The following PDIA4 variants were observed in gnomAD, a reference collection of about 807,000 sequenced individuals.
PDIA4 encodes protein disulfide isomerase family A member 4.
In PDIA4, 33 loss-of-function variants were observed where a neutral mutation model predicts 62.1. That is an observed-to-expected ratio of 0.53 (90% CI 0.40 to 0.71). PDIA4 has a LOEUF of 0.71. Among genes scored for constraint, PDIA4 ranks in the 30% least tolerant of loss-of-function variants. PDIA4 has a pLI of 0.00. For missense variants in PDIA4, 804 were observed against 813.6 expected, an observed-to-expected ratio of 0.99 and a Z score of 0.14; for synonymous variants, 341 against 324.1, an observed-to-expected ratio of 1.05 and a Z score of -0.56.
chr7:149,004,319 G>C, intron 9 of PDIA4, 110 bp from the exon 10 acceptor site: 2 of 998,398 alleles, frequency 2.0e-6, no homozygotes, highest in Admixed American at 4.4e-5. Context: ...AGACGGGCCA[G>C]TCACACAGGA....
At chr7:149,010,817 C>T (rs910567120) in intron 6 of PDIA4, among the ~76,000 whole-genome samples, 5 of 152,222 alleles carry the variant, frequency 3.3e-5, no homozygotes, top group Admixed American at 6.5e-5. Context: ...GGTGCCAGGC[C>T]TGCCTGGGAC....
intron 1 of PDIA4, among the ~76,000 whole-genome samples, chr7:149,026,653 G>A (rs1292031951): frequency 6.6e-6 from 1 of 151,780 alleles, no homozygotes; most frequent in African/African-American, 2.4e-5. Flanking sequence ...AAAAAAAACA[G>A]CCAGGCGTGT....
rs574059632 is a variant in PDIA4 at position 149,027,891 on chromosome 7, C to G, written c.88+430G>C. 9.0e-4 allele frequency: 433 copies of G among 480,352 alleles called. 3 individuals are homozygous for G. The highest frequency in any genetic ancestry group is 7.2e-3 in the African/African-American group (363 of 50,596). 29.8% of individuals were successfully genotyped at this position (480,352 alleles called of 1,614,324 possible). A position where few individuals can be genotyped will look rare whatever the true frequency, so the allele number is the denominator to read the frequency against. On this transcript the variant is annotated intron_variant, in intron 1 of 9. Transcript: ENST00000652332. ...TGCTTGCTGTTCCAAAGAACTCGCA[C>G]TTGTTTCTTCACGCCCTCGCCCCTT...
At chr7:149,025,852 A>G (rs1336396065) in intron 1 of PDIA4, among the ~76,000 whole-genome samples, 2 of 152,186 alleles carry the variant, frequency 1.3e-5, no homozygotes, top group Admixed American at 1.3e-4. Context: ...TTTAAATCTA[A>G]ACAAACCAAT....
intron 1 of PDIA4, among the ~76,000 whole-genome samples, chr7:149,026,060 G>A (rs992547308): frequency 1.3e-5 from 2 of 151,390 alleles, no homozygotes; most frequent in Non-Finnish European, 2.9e-5. Context: ...CCACTGTGCT[G>A]TCTAAATCTA....
chr7:149,003,968 G>T lies in PDIA4; in HGVS notation c.1764C>A (p.Asn588Lys). ...CCTTATAGCGGTCGCTGGGGACGTCGTTGGCAGTGGCGTCCATCTTGGCGA... is the reference window on the plus strand; with the variant it reads ...CCTTATAGCGGTCGCTGGGGACGTCTTTGGCAGTGGCGTCCATCTTGGCGA... ...LVIAKMDATA[N>K]DVPSDRYKVE... Residue 588 changes from asparagine to lysine, a missense_variant, in exon 10 of 10, where the codon AAC becomes AAA. Transcript: ENST00000652332. The T allele has an allele frequency of 6.2e-7, 1 of 1,613,208 alleles. No individual in the cohort carries two copies. The highest frequency in any genetic ancestry group is 8.5e-7 in the Non-Finnish European group (1 of 1,179,274).
Position 149,003,733 on chromosome 7 carries a change from G to C in PDIA4, c.*61C>G. On this transcript the variant is annotated 3_prime_UTR_variant, in exon 10 of 10. Transcript: ENST00000652332. ...GTTTGTTGCCGGCCTCGGCGTGGAC[G>C]CCCCGACCATGGGCCACGCAGGGCG... The C allele has an allele frequency of 3.2e-6, 4 of 1,257,280 alleles. No homozygotes were observed. The highest frequency in any genetic ancestry group is 3.9e-5 in the South Asian group (2 of 51,242). 77.9% of individuals were successfully genotyped at this position (1,257,280 alleles called of 1,614,324 possible).
chr7:149,027,210 T>C (rs932649564), intron 1 of PDIA4, among the ~76,000 whole-genome samples: 3 of 152,312 alleles, frequency 2.0e-5, no homozygotes, highest in African/African-American at 7.2e-5. Context: ...TGTATTTAAA[T>C]AAACACTATT....
intron 1 of PDIA4, among the ~76,000 whole-genome samples, chr7:149,024,969 A>G (rs1470301489): frequency 4.0e-5 from 6 of 150,322 alleles, no homozygotes; most frequent in African/African-American, 7.4e-5. Flanking sequence ...TACTAAAAAT[A>G]CAAAATTAGC....
intron 8 of PDIA4, 33 bp downstream of exon 8, chr7:149,005,864 C>A: frequency 6.9e-7 from 1 of 1,457,416 alleles, no homozygotes; most frequent in Non-Finnish European, 9.0e-7. Context: ...CCCCCACCCC[C>A]CACCCCCGCA....
intron 2 of PDIA4, among the ~76,000 whole-genome samples, chr7:149,019,628 T>C (rs955788907): frequency 2.0e-5 from 3 of 152,112 alleles, no homozygotes; most frequent in Admixed American, 1.3e-4. Context: ...CTGGCCAACA[T>C]AGTGAAACGC....
intron 1 of PDIA4, among the ~76,000 whole-genome samples, chr7:149,024,810 C>CA (rs1423498746): frequency 4.3e-4 from 30 of 69,426 alleles, no homozygotes; most frequent in Admixed American, 1.3e-3. Flanking sequence ...GCAAGACTGT[C>CA]ATTTAAAAAA....
chr7:149,015,395 T>C (rs1824093621), intron 3 of PDIA4, among the ~76,000 whole-genome samples: 1 of 148,266 alleles, frequency 6.7e-6, no homozygotes, highest in Non-Finnish European at 1.5e-5. Flanking sequence ...TGCCTATGGA[T>C]AGCATTGTGG....
chr7:149,024,089 G>A (rs6944853), intron 1 of PDIA4, among the ~76,000 whole-genome samples: 43,016 of 151,888 alleles, frequency 0.28, 7,943 homozygotes, highest in African/African-American at 0.53. Context: ...TTTACTAAAA[G>A]TACAAAAATT....
intron 1 of PDIA4, among the ~76,000 whole-genome samples, chr7:149,025,645 C>T (rs910074121): frequency 6.6e-6 from 1 of 152,138 alleles, no homozygotes; most frequent in Non-Finnish European, 1.5e-5. Flanking sequence ...AGCTACTTAG[C>T]GGAGGGTCCT....
Position 149,019,037 on chromosome 7 carries a change from T to C in PDIA4, c.430A>G (p.Lys144Glu). 1.2e-6 allele frequency: 2 copies of C among 1,613,698 alleles called. No homozygotes were observed. The highest frequency in any genetic ancestry group is 1.7e-6 in the Non-Finnish European group (2 of 1,179,934). ...VSGYPTIKIL[K>E]KGQAVDYEGS... ...TCGTAGTCTACAGCCTGCCCCTTCT[T>C]AAGGATCTTGATGGTGGGGTAGCCA... is the stretch of plus-strand genomic sequence containing the variant. The change falls in exon 3 of 10, where the codon AAG becomes GAG. Residue 144 changes from lysine to glutamate, a missense_variant. Lys to Glu is a moderately conservative substitution (Grantham distance 56). Transcript: ENST00000652332.
At chr7:149,018,911 C>CA in intron 3 of PDIA4, 81 bp downstream of exon 3, 1 of 987,280 alleles carries the variant, frequency 1.0e-6, no homozygotes, top group Non-Finnish European at 1.6e-6. Context: ...CTGGTACCCT[C>CA]AGCTTTTCTT....
At chr7:149,012,048 C>T in intron 5 of PDIA4, 44 bp from the exon 6 acceptor site, 3 of 1,600,712 alleles carry the variant, frequency 1.9e-6, no homozygotes, top group Non-Finnish European at 2.6e-6. Context: ...TAAGAACTGC[C>T]CACTTCCCAT....
chr7:149,004,088 G>A lies in PDIA4; in HGVS notation c.1644C>T (p.Ile548=), dbSNP rs775212354. The A allele has an allele frequency of 1.2e-5, 19 of 1,613,960 alleles. No homozygotes were observed. The highest frequency in any genetic ancestry group is 5.0e-5 in the Admixed American group (3 of 60,004). ...GCCCGCACCATGGCGCGTAGAACTC[G>A]ATGAGGACGTCCTTCTTGGGGTCCA... ...IVMDPKKDVL[I]EFYAPWCGHC... The change falls in exon 10 of 10, where the codon ATC becomes ATT. Residue 548 remains isoleucine (I), a synonymous_variant. Transcript: ENST00000652332.
Sources: gnomAD v4.1 joint callset for allele counts (sites outside exome capture counted in the v4.1 genomes callset) on GRCh38, gnomAD v4.1.1 for gene constraint, MANE v1.5 for transcripts, NCBI Gene and HGNC (gene_info 2026-07-23, HGNC 2026-07-21) for gene names.